Variants in NLGN1 observed in about 807,000 individuals in gnomAD.
NLGN1 encodes neuroligin 1.
Under a neutral mutation model 65.5 loss-of-function variants are expected in NLGN1, and 12 were observed. The observed-to-expected ratio is 0.18, with a 90% CI of 0.12 to 0.30. NLGN1 has a LOEUF of 0.30. Ranked by LOEUF, NLGN1 falls within the 10% of genes least tolerant of loss-of-function variation. The pLI, the probability that NLGN1 is intolerant of heterozygous loss-of-function variation, is 1.00. For synonymous variants in NLGN1, 350 were observed against 359.5 expected, an observed-to-expected ratio of 0.97 and a Z score of 0.30; for missense variants, 750 against 1,007.1, an observed-to-expected ratio of 0.74 and a Z score of 3.46.
At chr3:173,830,022 G>T (rs1722218733) in intron 4 of NLGN1, among the ~76,000 whole-genome samples, 1 of 151,152 alleles carries the variant, frequency 6.6e-6, no homozygotes, top group Non-Finnish European at 1.5e-5. Context: ...GGGGGAGGGA[G>T]AGAATAAAAA....
intron 3 of NLGN1, among the ~76,000 whole-genome samples, chr3:173,638,946 A>G (rs1757004364): frequency 6.6e-6 from 1 of 152,194 alleles, no homozygotes; most frequent in African/African-American, 2.4e-5. Flanking sequence ...TTATGAAAAC[A>G]GAAAAAAAAG....
exon 3 of NLGN1, chr3:173,605,070 A>T (rs774281062): frequency 6.2e-7 from 1 of 1,610,848 alleles, no homozygotes; most frequent in Admixed American, 1.7e-5. Context: ...ATATTTAAAT[A>T]TATATGTCCC....
chr3:173,687,283 A>G (rs1764825689), intron 3 of NLGN1, among the ~76,000 whole-genome samples: 1 of 152,242 alleles, frequency 6.6e-6, no homozygotes, highest in Non-Finnish European at 1.5e-5. Flanking sequence ...AATGAAGCTA[A>G]TGGATAATAT....
At chr3:173,589,610 T>A (rs1748104257) in intron 2 of NLGN1, among the ~76,000 whole-genome samples, 1 of 152,210 alleles carries the variant, frequency 6.6e-6, no homozygotes, top group East Asian at 1.9e-4. Context: ...TCTTATATTT[T>A]GCTTGTATTG....
At chr3:173,895,234 G>C (rs1451687712) in intron 4 of NLGN1, among the ~76,000 whole-genome samples, 1 of 152,174 alleles carries the variant, frequency 6.6e-6, no homozygotes, top group East Asian at 1.9e-4. Context: ...GGACTGATAT[G>C]ATTAGACTTG....
At chr3:173,500,526 G>C (rs959010312) in intron 2 of NLGN1, among the ~76,000 whole-genome samples, 1 of 151,906 alleles carries the variant, frequency 6.6e-6, no homozygotes, top group Admixed American at 6.6e-5. Flanking sequence ...TTTTTTGTGT[G>C]TCTGTGCCAG....
intron 3 of NLGN1, among the ~76,000 whole-genome samples, chr3:173,616,059 AGGC>A (rs1055446191): frequency 6.6e-6 from 1 of 151,946 alleles, no homozygotes; most frequent in African/African-American, 2.4e-5. Flanking sequence ...TGAGGAAAGG[AGGC>A]AAGGGGCATT....
chr3:174,020,622 T>C (rs1331945441), intron 4 of NLGN1, among the ~76,000 whole-genome samples: 6 of 152,090 alleles, frequency 3.9e-5, no homozygotes, highest in Non-Finnish European at 7.4e-5. Context: ...AAGGATTAAT[T>C]TTATATTATA....
chr3:173,727,901 C>T (rs1355841430), intron 3 of NLGN1, among the ~76,000 whole-genome samples: 1 of 152,020 alleles, frequency 6.6e-6, no homozygotes, highest in Non-Finnish European at 1.5e-5. Flanking sequence ...ATGGTGTTTC[C>T]CACTGAGTTG....
At chr3:173,589,819 A>C (rs945836638) in intron 2 of NLGN1, among the ~76,000 whole-genome samples, 2 of 152,160 alleles carry the variant, frequency 1.3e-5, no homozygotes, top group African/African-American at 4.8e-5. Context: ...TGAATGGTAG[A>C]TCTACAGGAG....
intron 3 of NLGN1, among the ~76,000 whole-genome samples, chr3:173,626,588 A>G (rs759964047): frequency 6.6e-6 from 1 of 152,094 alleles, no homozygotes; most frequent in Non-Finnish European, 1.5e-5. Flanking sequence ...ACTTTTGCTA[A>G]TATTTTTTAG....
chr3:174,021,914 A>G (rs2152458813), intron 4 of NLGN1, among the ~76,000 whole-genome samples: 1 of 152,210 alleles, frequency 6.6e-6, no homozygotes, highest in South Asian at 2.1e-4. Context: ...GTCCTTGAAC[A>G]TTTTCTTTCA....
intron 4 of NLGN1, among the ~76,000 whole-genome samples, chr3:173,833,641 C>G (rs778419224): frequency 2.0e-4 from 30 of 152,094 alleles, no homozygotes; most frequent in Non-Finnish European, 4.0e-4. Context: ...CACCTCAGCC[C>G]CCCAGTGGCT....
intron 3 of NLGN1, among the ~76,000 whole-genome samples, chr3:173,693,156 A>G (rs1350844772): frequency 1.3e-5 from 2 of 152,142 alleles, no homozygotes; most frequent in Non-Finnish European, 2.9e-5. Context: ...TGATTCTGAC[A>G]TCTCAAAGCA....
chr3:173,738,719 T>C, intron 3 of NLGN1, among the ~76,000 whole-genome samples: 1 of 152,062 alleles, frequency 6.6e-6, no homozygotes. Context: ...TTTGGCAATT[T>C]TGGGTCCCTT....
intron 5 of NLGN1, 68 bp from the exon 6 acceptor site, chr3:174,278,793 C>G: frequency 8.3e-7 from 1 of 1,202,700 alleles, no homozygotes; most frequent in Non-Finnish European, 1.1e-6. Flanking sequence ...TCTAAAATAT[C>G]AGATGTTATT....
intron 3 of NLGN1, among the ~76,000 whole-genome samples, chr3:173,782,648 A>G (rs1443906020): frequency 6.6e-6 from 1 of 151,512 alleles, no homozygotes; most frequent in Non-Finnish European, 1.5e-5. Context: ...AGGAAAGGGA[A>G]CATGTGTGGC....
chr3:173,742,084 G>A (rs572275333), intron 3 of NLGN1, among the ~76,000 whole-genome samples: 2 of 152,110 alleles, frequency 1.3e-5, no homozygotes, highest in South Asian at 4.2e-4. Context: ...AATAAGATTT[G>A]TTTCTTCCTT....
chr3:174,031,171 C>T (rs1729950280), intron 4 of NLGN1, among the ~76,000 whole-genome samples: 1 of 152,102 alleles, frequency 6.6e-6, no homozygotes, highest in South Asian at 2.1e-4. Flanking sequence ...TTCTCCACAC[C>T]AGTTCCTTCT....
Sources: gnomAD v4.1 joint callset for allele counts (sites outside exome capture counted in the v4.1 genomes callset) on GRCh38, gnomAD v4.1.1 for gene constraint, MANE v1.5 for transcripts, NCBI Gene and HGNC (gene_info 2026-07-23, HGNC 2026-07-21) for gene names.